Variants in NPAS3 observed in about 807,000 individuals in gnomAD.
The protein encoded by NPAS3 is neuronal PAS domain-containing protein 3.
A neutral mutation model predicts 73.1 loss-of-function variants in NPAS3; 14 were observed. The ratio of observed to expected loss-of-function variants is 0.19; its 90% confidence interval spans 0.13 to 0.30. The LOEUF (loss-of-function observed/expected upper bound fraction) is 0.30. Among genes scored for constraint, NPAS3 ranks in the 10% least tolerant of loss-of-function variants. The pLI is 1.00. For synonymous variants in NPAS3, 620 were observed against 541.5 expected (o/e 1.14, Z -2.01); for missense variants, 1,096 against 1,250.0 (o/e 0.88, Z 1.86).
At chr14:33,476,014 T>G (rs773318592) in intron 4 of NPAS3, among the ~76,000 whole-genome samples, 1 of 152,200 alleles carries the variant, frequency 6.6e-6, no homozygotes, top group Non-Finnish European at 1.5e-5. Flanking sequence ...ATGGCTGCGC[T>G]TTCCCTGGTG....
At chr14:33,563,537 C>CACACACACAGAGAGAGAGAGAGAG in intron 5 of NPAS3, among the ~76,000 whole-genome samples, 1 of 119,652 alleles carries the variant, frequency 8.4e-6, no homozygotes, top group African/African-American at 3.7e-5. Flanking sequence ...CACACACACA[C>CACACACACAGAGAGAGAGAGAGAG]AGAGAGAGAG....
intron 4 of NPAS3, among the ~76,000 whole-genome samples, chr14:33,546,943 T>C (rs2054873356): frequency 6.6e-6 from 1 of 152,068 alleles, no homozygotes; most frequent in African/African-American, 2.4e-5. Context: ...CAAAATAATA[T>C]TGGCTAACAC....
At chr14:33,219,875 T>A (rs758213411) in intron 3 of NPAS3, among the ~76,000 whole-genome samples, 3 of 152,192 alleles carry the variant, frequency 2.0e-5, no homozygotes, top group Non-Finnish European at 2.9e-5. Flanking sequence ...ACTCCAAGAC[T>A]GAGTGATAGG....
chr14:33,348,193 G>A (rs961431506), intron 3 of NPAS3, among the ~76,000 whole-genome samples: 6 of 152,166 alleles, frequency 3.9e-5, no homozygotes, highest in African/African-American at 1.4e-4. Context: ...TCCCATGGTT[G>A]CTAAATAGCA....
At chr14:33,781,554 G>A (rs541785988) in intron 9 of NPAS3, among the ~76,000 whole-genome samples, 1 of 152,308 alleles carries the variant, frequency 6.6e-6, no homozygotes, top group East Asian at 1.9e-4. Flanking sequence ...GGCAGGAGAA[G>A]GTCATGGCGA....
chr14:33,064,017 C>A (rs2041197754), intron 2 of NPAS3, among the ~76,000 whole-genome samples: 2 of 152,116 alleles, frequency 1.3e-5, no homozygotes, highest in African/African-American at 4.8e-5. Flanking sequence ...TTGTTTATTA[C>A]TATGCTTTAT....
At chr14:33,278,034 G>A (rs972067276) in intron 3 of NPAS3, among the ~76,000 whole-genome samples, 2 of 151,504 alleles carry the variant, frequency 1.3e-5, no homozygotes, top group Non-Finnish European at 2.9e-5. Context: ...GGGGCGAGAA[G>A]GAATGAAATT....
intron 3 of NPAS3, among the ~76,000 whole-genome samples, chr14:33,350,151 T>G (rs2044964926): frequency 6.6e-6 from 1 of 152,162 alleles, no homozygotes; most frequent in Non-Finnish European, 1.5e-5. Context: ...TAATGAGCTC[T>G]GGTGGGACAG....
intron 9 of NPAS3, 101 bp from the exon 10 acceptor site, chr14:33,793,796 C>CGGTGG: frequency 8.9e-7 from 1 of 1,120,372 alleles, no homozygotes; most frequent in South Asian, 1.7e-5. Context: ...GGTGTAGGTC[C>CGGTGG]TCCCATTTTT....
chr14:33,352,794 A>G (rs931071512), intron 3 of NPAS3, among the ~76,000 whole-genome samples: 1 of 152,222 alleles, frequency 6.6e-6, no homozygotes, highest in African/African-American at 2.4e-5. Context: ...CCAGTATGAG[A>G]GGGGAATAAA....
chr14:33,187,837 G>A (rs928169597), intron 2 of NPAS3, among the ~76,000 whole-genome samples: 1 of 151,834 alleles, frequency 6.6e-6, no homozygotes, highest in Non-Finnish European at 1.5e-5. Flanking sequence ...AATCATCACG[G>A]CAACTATATA....
intron 3 of NPAS3, among the ~76,000 whole-genome samples, chr14:33,282,007 G>A (rs529728979): frequency 3.6e-4 from 55 of 152,096 alleles, no homozygotes; most frequent in Non-Finnish European, 6.3e-4. Context: ...GAAGGATAAT[G>A]TTCTAAGTCT....
chr14:33,765,140 T>C (rs80304355), intron 7 of NPAS3, among the ~76,000 whole-genome samples: 322 of 152,326 alleles, frequency 2.1e-3, no homozygotes, highest in Non-Finnish European at 3.9e-3. Flanking sequence ...TTATATTTTT[T>C]ATGCTACGTA....
chr14:33,535,533 A>C (rs911247655), intron 4 of NPAS3, among the ~76,000 whole-genome samples: 2 of 152,182 alleles, frequency 1.3e-5, no homozygotes, highest in African/African-American at 4.8e-5. Flanking sequence ...TGCCTAGTTC[A>C]TCATCTTCAG....
chr14:33,342,720 T>C (rs941085367), intron 3 of NPAS3, among the ~76,000 whole-genome samples: 1 of 152,210 alleles, frequency 6.6e-6, no homozygotes, highest in Non-Finnish European at 1.5e-5. Context: ...CATGCTTTAA[T>C]AGTTTTTATA....
intron 2 of NPAS3, among the ~76,000 whole-genome samples, chr14:33,192,293 C>CT (rs1266115752): frequency 1.3e-5 from 2 of 152,214 alleles, no homozygotes; most frequent in East Asian, 3.8e-4. Context: ...TCAATTACAT[C>CT]TTTTTTTCTT....
chr14:33,686,271 AG>A (rs777699445), intron 6 of NPAS3, among the ~76,000 whole-genome samples: 2 of 152,170 alleles, frequency 1.3e-5, no homozygotes, highest in African/African-American at 2.4e-5. Flanking sequence ...TTCCTCACTG[AG>A]GCAAAGGTGC....
intron 4 of NPAS3, among the ~76,000 whole-genome samples, chr14:33,446,166 CTTTTTTTTTT>C (rs71118544): frequency 1.7e-5 from 2 of 120,010 alleles, no homozygotes; most frequent in African/African-American, 3.2e-5. Flanking sequence ...TTCATGCTTT[CTTTTTTTTTT>C]TTTTTTTTTT....
chr14:33,316,660 A>T (rs1331011172), intron 3 of NPAS3, among the ~76,000 whole-genome samples: 1 of 152,038 alleles, frequency 6.6e-6, no homozygotes, highest in African/African-American at 2.4e-5. Context: ...TCATGAGGAG[A>T]GGCACACCCT....
Sources: allele counts gnomAD v4.1 joint callset (sites outside exome capture counted in the v4.1 genomes callset), GRCh38; gene constraint gnomAD v4.1.1; transcripts MANE v1.5; gene names NCBI Gene and HGNC (gene_info 2026-07-23, HGNC 2026-07-21).